The following NTM variants were observed in gnomAD, a reference collection of about 807,000 sequenced individuals.
NTM encodes the protein neurotrimin, also known as IgLON family member 2.
Under a neutral mutation model 42.1 loss-of-function variants are expected in NTM, and 13 were observed. That is an observed-to-expected ratio of 0.31 (90% confidence interval 0.20 to 0.49). The LOEUF (loss-of-function observed/expected upper bound fraction) is 0.49. Ranked by LOEUF, NTM falls within the 20% of genes least tolerant of loss-of-function variation. NTM has a pLI of 0.99. For synonymous variants in NTM, 187 were observed against 179.2 expected, an observed-to-expected ratio of 1.04 and a Z score of -0.35; for missense variants, 373 against 452.8, an observed-to-expected ratio of 0.82 and a Z score of 1.60.
At chr11:131,885,457 G>A (rs954231007) in intron 1 of NTM, among the ~76,000 whole-genome samples, 3 of 152,176 alleles carry the variant, frequency 2.0e-5, no homozygotes, top group Admixed American at 6.5e-5. Flanking sequence ...CATGTCGTCT[G>A]TATCTGATGG....
chr11:132,245,104 G>A (rs2090901201), intron 4 of NTM, among the ~76,000 whole-genome samples: 1 of 152,180 alleles, frequency 6.6e-6, no homozygotes. Flanking sequence ...AATGGCTGCT[G>A]GATTAGGCAG....
chr11:131,929,333 C>A (rs75115265), intron 2 of NTM, among the ~76,000 whole-genome samples: 2 of 151,896 alleles, frequency 1.3e-5, no homozygotes, highest in Non-Finnish European at 2.9e-5. Context: ...CGGGGGGGCA[C>A]ATGTGGGCGG....
At chr11:131,897,235 G>A (rs557944057) in intron 1 of NTM, 1 of 152,280 alleles carries the variant, frequency 6.6e-6, no homozygotes, top group East Asian at 1.9e-4. Context: ...AGGGTTGGAA[G>A]CAGAGAGATG....
chr11:132,012,714 A>T (rs1363064888), intron 2 of NTM, among the ~76,000 whole-genome samples: 1 of 152,218 alleles, frequency 6.6e-6, no homozygotes, highest in East Asian at 1.9e-4. Context: ...AAAAAAGAGA[A>T]TCTAAAAAGG....
intron 4 of NTM, among the ~76,000 whole-genome samples, chr11:132,217,800 A>C (rs574646864): frequency 7.0e-6 from 1 of 143,114 alleles, no homozygotes; most frequent in Admixed American, 7.1e-5. Flanking sequence ...AAATTGATGG[A>C]GGCAAAGTGA....
chr11:131,971,055 T>A (rs1331005555), intron 2 of NTM, among the ~76,000 whole-genome samples: 1 of 152,204 alleles, frequency 6.6e-6, no homozygotes. Context: ...TACAAACCAA[T>A]GAGAAATTTC....
chr11:132,197,877 T>C (rs1206681680), intron 3 of NTM, among the ~76,000 whole-genome samples: 1 of 152,094 alleles, frequency 6.6e-6, no homozygotes, highest in Non-Finnish European at 1.5e-5. Context: ...ATGTGCCACA[T>C]TTTCTTCATC....
chr11:131,532,690 G>A (rs781596058), intron 1 of NTM, among the ~76,000 whole-genome samples: 4 of 152,238 alleles, frequency 2.6e-5, no homozygotes, highest in Admixed American at 6.5e-5. Context: ...CACCAACAGT[G>A]TACAAGGGTT....
intron 7 of NTM, 44 bp downstream of exon 7, chr11:132,314,747 C>CAGAACGGG (rs2095377894): frequency 1.3e-6 from 2 of 1,572,554 alleles, no homozygotes; most frequent in Non-Finnish European, 1.7e-6. Context: ...GGAGAGGGTG[C>CAGAACGGG]AGAACGGGAG....
chr11:131,768,121 ATTT>A (rs200565983), intron 1 of NTM, among the ~76,000 whole-genome samples: 83 of 121,486 alleles, frequency 6.8e-4, no homozygotes, highest in East Asian at 1.2e-3. Context: ...GCAAAAACTT[ATTT>A]TTTTTTTTTT....
chr11:131,816,868 C>T (rs1006404884), intron 1 of NTM, among the ~76,000 whole-genome samples: 3 of 152,102 alleles, frequency 2.0e-5, no homozygotes, highest in East Asian at 1.9e-4. Context: ...GGGCACTCAA[C>T]GCACGTTAAT....
At chr11:132,105,476 G>A (rs1566173773) in intron 2 of NTM, among the ~76,000 whole-genome samples, 1 of 152,094 alleles carries the variant, frequency 6.6e-6, no homozygotes, top group African/African-American at 2.4e-5. Context: ...ATAGTAAAGA[G>A]GCCCATTAGG....
intron 3 of NTM, among the ~76,000 whole-genome samples, chr11:132,202,662 C>G (rs935427879): frequency 6.6e-6 from 1 of 152,140 alleles, no homozygotes; most frequent in South Asian, 2.1e-4. Flanking sequence ...TACCATTATG[C>G]CCCGAAGCCA....
At chr11:131,732,054 C>T (rs898736781) in intron 1 of NTM, among the ~76,000 whole-genome samples, 7 of 152,190 alleles carry the variant, frequency 4.6e-5, no homozygotes, top group Non-Finnish European at 7.3e-5. Context: ...GCGCATTTAA[C>T]TCAAACTCTC....
chr11:131,822,807 G>A (rs902103604), intron 1 of NTM, among the ~76,000 whole-genome samples: 1 of 151,362 alleles, frequency 6.6e-6, no homozygotes, highest in Non-Finnish European at 1.5e-5. Context: ...GTGGAGGTGG[G>A]TTTTCAACGT....
At chr11:131,707,844 T>C (rs2076740190) in intron 1 of NTM, among the ~76,000 whole-genome samples, 1 of 152,112 alleles carries the variant, frequency 6.6e-6, no homozygotes, top group Non-Finnish European at 1.5e-5. Context: ...AAACTTTTCC[T>C]CTAAGGTCGT....
chr11:131,911,369 G>T (rs578037710), intron 1 of NTM, 195 bp from the exon 2 acceptor site: 1 of 1,547,244 alleles, frequency 6.5e-7, no homozygotes, highest in South Asian at 1.2e-5. Context: ...CGGTCGCCGC[G>T]GGTTCACCGC....
chr11:131,633,283 C>A (rs893808414), intron 1 of NTM, among the ~76,000 whole-genome samples: 2 of 152,156 alleles, frequency 1.3e-5, no homozygotes, highest in African/African-American at 4.8e-5. Flanking sequence ...CGATGATTTT[C>A]CCTTCCTTTT....
intron 4 of NTM, among the ~76,000 whole-genome samples, chr11:132,293,182 G>A (rs889990700): frequency 6.6e-6 from 1 of 152,172 alleles, no homozygotes; most frequent in Non-Finnish European, 1.5e-5. Context: ...AGTCAGTAGA[G>A]AACAGAAATG....
Sources: gnomAD v4.1 joint callset for allele counts (sites outside exome capture counted in the v4.1 genomes callset) on GRCh38, gnomAD v4.1.1 for gene constraint, MANE v1.5 for transcripts, NCBI Gene and HGNC (gene_info 2026-07-23, HGNC 2026-07-21) for gene names.